The following BTF3L4 variants were observed in gnomAD, a reference collection of about 807,000 sequenced individuals.
BTF3L4 encodes transcription factor BTF3 homolog 4.
BTF3L4 carries 6 observed loss-of-function variants against 16.8 expected under a neutral mutation model. The observed-to-expected ratio is 0.36, with a 90% CI of 0.20 to 0.71. BTF3L4 has a LOEUF of 0.71. BTF3L4 is among the 30% of genes least tolerant of loss of function. BTF3L4 has a pLI of 0.58. For missense variants in BTF3L4, 92 were observed against 186.9 expected (o/e 0.49, Z 2.96); for synonymous variants, 39 against 59.8 (o/e 0.65, Z 1.60).
chr1:52,081,897 C>G (rs908063104), intron 3 of BTF3L4, among the ~76,000 whole-genome samples: 2 of 152,122 alleles, frequency 1.3e-5, no homozygotes, highest in African/African-American at 4.8e-5. Flanking sequence ...CCTTTCTTGC[C>G]CTTCCTTTCT....
intron 3 of BTF3L4, among the ~76,000 whole-genome samples, chr1:52,075,686 C>A (rs992787247): frequency 2.7e-5 from 4 of 149,788 alleles, no homozygotes; most frequent in Non-Finnish European, 4.4e-5. Flanking sequence ...AATCTGAGTT[C>A]TTTCAACTCT....
chr1:52,064,090 C>A (rs1270448474), intron 2 of BTF3L4, among the ~76,000 whole-genome samples: 1 of 152,210 alleles, frequency 6.6e-6, no homozygotes, highest in Non-Finnish European at 1.5e-5. Context: ...TATTCCTCTT[C>A]CGTTCCCATT....
At chr1:52,083,181 A>G (rs1212617446) in intron 3 of BTF3L4, among the ~76,000 whole-genome samples, 159 bp from the exon 4 acceptor site, 2 of 152,200 alleles carry the variant, frequency 1.3e-5, no homozygotes, top group South Asian at 2.1e-4. Context: ...CTTTATTACT[A>G]TGATCTTTTT....
intron 3 of BTF3L4, among the ~76,000 whole-genome samples, chr1:52,066,864 A>G (rs1480391540): frequency 6.6e-6 from 1 of 151,892 alleles, no homozygotes; most frequent in Non-Finnish European, 1.5e-5. Context: ...AAATTTAATC[A>G]TTACTGTGTT....
At chr1:52,084,281 AG>A (rs1230211552) in intron 4 of BTF3L4, among the ~76,000 whole-genome samples, 1 of 152,020 alleles carries the variant, frequency 6.6e-6, no homozygotes, top group African/African-American at 2.4e-5. Flanking sequence ...CAGGGACTAC[AG>A]GTGGTGTGCA....
At chr1:52,072,020 G>T (rs1210956248) in intron 3 of BTF3L4, among the ~76,000 whole-genome samples, 6 of 121,714 alleles carry the variant, frequency 4.9e-5, no homozygotes, top group East Asian at 2.3e-4. Flanking sequence ...TTTAGCCAGG[G>T]TTTTTTTTTG....
intron 3 of BTF3L4, among the ~76,000 whole-genome samples, chr1:52,078,064 C>A (rs954352112): frequency 6.6e-6 from 1 of 151,824 alleles, no homozygotes; most frequent in Admixed American, 6.6e-5. Context: ...CTGACAATAT[C>A]CTTTTTTTTC....
chr1:52,074,789 A>C lies in BTF3L4; in HGVS notation c.169-8551A>C, dbSNP rs775469306. ...TTCCCAAAGTGCTGAGATTACAGGC[A>C]TGAGCCACTGCGTCCGGCTTGTTTT... is the stretch of plus-strand genomic sequence containing the variant. On this transcript the variant is annotated intron_variant, in intron 3 of 5. Coordinates refer to ENST00000313334, the MANE Select transcript of BTF3L4 (RefSeq NM_152265.5). 2.0e-5 allele frequency among the ~76,000 whole-genome samples: 3 copies of C among 152,278 alleles called. No individual in the cohort carries two copies. The East Asian group carries it at 5.8e-4, about 29-fold the overall frequency.
intron 2 of BTF3L4, among the ~76,000 whole-genome samples, chr1:52,063,581 C>T (rs973889866): frequency 6.6e-6 from 1 of 152,178 alleles, no homozygotes; most frequent in African/African-American, 2.4e-5. Context: ...TTACTCCTAC[C>T]AGTTTTAGAA....
chr1:52,072,166 T>C (rs925777230), intron 3 of BTF3L4, among the ~76,000 whole-genome samples: 1 of 151,790 alleles, frequency 6.6e-6, no homozygotes, highest in Non-Finnish European at 1.5e-5. Flanking sequence ...ACCATTCTCC[T>C]GCCTCAGCCT....
chr1:52,063,244 CAGCTACAAA>C (rs1304391718), intron 2 of BTF3L4, among the ~76,000 whole-genome samples: 1 of 152,088 alleles, frequency 6.6e-6, no homozygotes, highest in African/African-American at 2.4e-5. Flanking sequence ...GTGGTACCAC[CAGCTACAAA>C]AGTTAGGAAA....
chr1:52,080,519 G>GTTTTTTTTTTTTTTT (rs753783341), intron 3 of BTF3L4, among the ~76,000 whole-genome samples: 1 of 70,232 alleles, frequency 1.4e-5, no homozygotes, highest in Non-Finnish European at 2.3e-5. Flanking sequence ...GGTTTTTTGG[G>GTTTTTTTTTTTTTTT]TTTTTTTTTT....
chr1:52,082,342 A>G (rs2124444515), intron 3 of BTF3L4, among the ~76,000 whole-genome samples: 1 of 152,334 alleles, frequency 6.6e-6, no homozygotes. Context: ...AAGGTTTCCT[A>G]GTTGATAAAG....
chr1:52,060,439 A>G, intron 2 of BTF3L4: 2 of 1,263,082 alleles, frequency 1.6e-6, no homozygotes, highest in South Asian at 2.6e-5. Context: ...TTTTCCTCAC[A>G]AATTCTTACC....
chr1:52,084,035 A>G (rs1478576686), intron 4 of BTF3L4, among the ~76,000 whole-genome samples: 1 of 151,638 alleles, frequency 6.6e-6, no homozygotes, highest in African/African-American at 2.4e-5. Context: ...AAAAAAAAAA[A>G]GAATATTCGG....
At chr1:52,080,325 G>A (rs1287443031) in intron 3 of BTF3L4, among the ~76,000 whole-genome samples, 4 of 152,048 alleles carry the variant, frequency 2.6e-5, no homozygotes, top group African/African-American at 9.7e-5. Flanking sequence ...TTTGTCTTCA[G>A]TGTTTATTTC....
rs749653199 is a variant in BTF3L4, at chr1:52,072,030, G to GGT, written c.168+7092_168+7093insGT. On this transcript the variant is annotated intron_variant, in intron 3 of 5. Coordinates refer to ENST00000313334, the MANE Select transcript of BTF3L4 (RefSeq NM_152265.5). ...GCCATTTTAGCCAGGGTTTTTTTTT[G>GGT]TTTTTTTTTTTTGGTTTTTTGTTTG... is the stretch of plus-strand genomic sequence containing the variant. Among the ~76,000 whole-genome samples the GGT allele has an allele frequency of 7.5e-3, 463 of 62,100 alleles. 7 individuals carry two copies. The highest frequency in any genetic ancestry group is 0.02 in the African/African-American group (443 of 22,672). 40.7% of individuals were successfully genotyped at this position (62,100 alleles called of 152,430 possible). A position where few individuals can be genotyped will look rare whatever the true frequency, so the allele number is the denominator to read the frequency against.
At position 52,083,393 on chromosome 1, in the gene BTF3L4, C is replaced by T; in HGVS notation, c.222C>T (p.Val74=). 1.2e-6 allele frequency: 2 copies of T among 1,612,944 alleles called. No individual in the cohort carries two copies. Among genetic ancestry groups the T allele is most frequent in the Admixed American group, 1.7e-5 (1 of 60,012 alleles). Residue 74 remains valine (V), a synonymous_variant, in exon 4 of 6, where the codon GTC becomes GTT. Coordinates refer to ENST00000313334, the MANE Select transcript of BTF3L4 (RefSeq NM_152265.5). ...TTATTCATTTCAACAATCCCAAAGT[C>T]CAAGCTTCCCTTTCTGCTAATACCT... ...GTVIHFNNPK[V]QASLSANTFA...
intron 4 of BTF3L4, among the ~76,000 whole-genome samples, chr1:52,085,481 A>AT (rs1386649503): frequency 2.0e-5 from 3 of 151,692 alleles, no homozygotes; most frequent in African/African-American, 7.3e-5. Context: ...CTTAATATTA[A>AT]TTTTTTATTT....
Sources: allele counts gnomAD v4.1 joint callset (sites outside exome capture counted in the v4.1 genomes callset), GRCh38; gene constraint gnomAD v4.1.1; transcripts MANE v1.5; gene names NCBI Gene and HGNC (gene_info 2026-07-23, HGNC 2026-07-21).